Variants in EPHA3 observed in about 807,000 individuals in gnomAD.
EPHA3 encodes EPH receptor A3.
EPHA3 carries 42 observed loss-of-function variants against 107.1 expected under a neutral mutation model. The ratio of observed to expected loss-of-function variants is 0.39; its 90% confidence interval spans 0.31 to 0.51. The LOEUF is 0.51. Among genes scored for constraint, EPHA3 ranks in the 20% least tolerant of loss-of-function variants. The pLI, the probability that EPHA3 is intolerant of heterozygous loss-of-function variation, is 0.78. For synonymous variants in EPHA3, 461 were observed against 424.8 expected (o/e 1.09, Z -1.05); for missense variants, 1,183 against 1,211.2 (o/e 0.98, Z 0.35).
At chr3:89,130,560 G>T (rs114712788) in intron 2 of EPHA3, among the ~76,000 whole-genome samples, 1 of 150,826 alleles carries the variant, frequency 6.6e-6, no homozygotes, top group South Asian at 2.1e-4. Flanking sequence ...TTCCTCCAAA[G>T]ACGTATTCAT....
chr3:89,470,979 A>G (rs1431028936), intron 15 of EPHA3, among the ~76,000 whole-genome samples: 1 of 152,196 alleles, frequency 6.6e-6, no homozygotes, highest in African/African-American at 2.4e-5. Context: ...GTTTGATATA[A>G]TATGAAAACA....
At chr3:89,145,356 A>G (rs183826253) in intron 2 of EPHA3, among the ~76,000 whole-genome samples, 16 of 151,838 alleles carry the variant, frequency 1.1e-4, no homozygotes, top group African/African-American at 2.9e-4. Flanking sequence ...AAATATTTAA[A>G]ATAATATCCA....
chr3:89,183,357 G>A (rs1705487698), intron 2 of EPHA3, among the ~76,000 whole-genome samples: 1 of 151,884 alleles, frequency 6.6e-6, no homozygotes, highest in Admixed American at 6.6e-5. Flanking sequence ...CATAGTCCTG[G>A]ATGGTGCTTT....
At chr3:89,337,586 G>A (rs539063940) in intron 3 of EPHA3, among the ~76,000 whole-genome samples, 9 of 152,274 alleles carry the variant, frequency 5.9e-5, no homozygotes, top group South Asian at 2.1e-4. Flanking sequence ...CTATTCATTC[G>A]TGGTTAAAGC....
chr3:89,403,226 T>C (rs1371548641), intron 7 of EPHA3, among the ~76,000 whole-genome samples: 1 of 152,154 alleles, frequency 6.6e-6, no homozygotes, highest in South Asian at 2.1e-4. Context: ...AAAGGGAGGT[T>C]AAGGAAGTTT....
intron 7 of EPHA3, chr3:89,400,049 C>CT (rs35658959): frequency 9.7e-7 from 1 of 1,032,568 alleles, no homozygotes; most frequent in Non-Finnish European, 1.2e-6. Flanking sequence ...AGTAACTTTT[C>CT]TTTTTTTCAA....
At chr3:89,189,920 C>T (rs1705666514) in intron 2 of EPHA3, among the ~76,000 whole-genome samples, 1 of 152,100 alleles carries the variant, frequency 6.6e-6, no homozygotes, top group South Asian at 2.1e-4. Context: ...AGATTTAATA[C>T]TGGAAAACAA....
chr3:89,275,570 G>C (rs1351273529), intron 3 of EPHA3, among the ~76,000 whole-genome samples: 1 of 152,052 alleles, frequency 6.6e-6, no homozygotes, highest in Admixed American at 6.6e-5. Flanking sequence ...AAGTGAAAAT[G>C]CCTTTCAAAA....
intron 5 of EPHA3, among the ~76,000 whole-genome samples, chr3:89,360,980 T>C (rs1708080029): frequency 6.6e-6 from 1 of 151,044 alleles, no homozygotes; most frequent in Non-Finnish European, 1.5e-5. Context: ...AGGCAGGAAT[T>C]GCTAGTGAAC....
intron 3 of EPHA3, among the ~76,000 whole-genome samples, chr3:89,284,029 G>C (rs535616235): frequency 2.6e-4 from 39 of 151,974 alleles, no homozygotes; most frequent in African/African-American, 9.4e-4. Flanking sequence ...AAAAGACTAG[G>C]ATTTTATTAA....
chr3:89,283,473 A>C (rs1337563358), intron 3 of EPHA3, among the ~76,000 whole-genome samples: 1 of 152,108 alleles, frequency 6.6e-6, no homozygotes, highest in Non-Finnish European at 1.5e-5. Context: ...ACTTCGTAGA[A>C]AACTTCTGGC....
intron 3 of EPHA3, among the ~76,000 whole-genome samples, chr3:89,313,115 T>A (rs1054283531): frequency 2.0e-5 from 3 of 152,050 alleles, no homozygotes; most frequent in African/African-American, 7.2e-5. Context: ...ATTATTATTT[T>A]CCTTGAATCC....
intron 3 of EPHA3, among the ~76,000 whole-genome samples, chr3:89,243,915 T>C (rs546348795): frequency 1.3e-5 from 2 of 152,276 alleles, no homozygotes; most frequent in Admixed American, 6.5e-5. Context: ...CACCATCCTA[T>C]ACACTTTATT....
intron 13 of EPHA3, among the ~76,000 whole-genome samples, chr3:89,438,519 T>C (rs1204379555): frequency 1.3e-5 from 2 of 152,002 alleles, no homozygotes; most frequent in Non-Finnish European, 2.9e-5. Context: ...TCTAAGAACA[T>C]AAATAACAGA....
At chr3:89,211,033 C>T (rs1188773774) in intron 3 of EPHA3, among the ~76,000 whole-genome samples, 1 of 152,000 alleles carries the variant, frequency 6.6e-6, no homozygotes, top group Admixed American at 6.6e-5. Context: ...GAGATTAGTG[C>T]TTTTAGAAGA....
At chr3:89,206,793 A>G (rs1187827094) in intron 2 of EPHA3, among the ~76,000 whole-genome samples, 1 of 152,192 alleles carries the variant, frequency 6.6e-6, no homozygotes, top group Non-Finnish European at 1.5e-5. Flanking sequence ...ACATACATAT[A>G]GAGTGGATGC....
rs1187094132 is a variant in EPHA3, at chr3:89,210,295, G to A, written c.589G>A (p.Val197Ile). ...GACVALVSVR[V>I]YFKKCPFTVK... ...TTGTGTTGCCTTGGTGTCTGTGAGA[G>A]TATACTTCAAAAAGTGCCCATTTAC... The change falls in exon 3 of 17, where the codon GTA (valine) becomes ATA (isoleucine). Residue 197 changes from valine (V) to isoleucine (I), a missense_variant. Physicochemically the swap from Val to Ile is conservative, Grantham distance 29 (BLOSUM62 3). Coordinates refer to ENST00000336596, the MANE Select transcript of EPHA3 (RefSeq NM_005233.6). 2.5e-6 allele frequency: 4 copies of A among 1,613,682 alleles called. No individual in the cohort carries two copies. In the Admixed American group the frequency reaches 6.7e-5, roughly 27 times the overall value.
intron 3 of EPHA3, among the ~76,000 whole-genome samples, chr3:89,279,062 T>C (rs1461861705): frequency 6.6e-6 from 1 of 152,188 alleles, no homozygotes; most frequent in Admixed American, 6.5e-5. Context: ...TGTGGAAGTG[T>C]GGATCATTTA....
chr3:89,314,643 C>A (rs1706852911), intron 3 of EPHA3, among the ~76,000 whole-genome samples: 1 of 151,916 alleles, frequency 6.6e-6, no homozygotes, highest in Non-Finnish European at 1.5e-5. Context: ...ATGCATTCAG[C>A]TATCTGGCAC....
Sources: gnomAD v4.1 joint callset for allele counts (sites outside exome capture counted in the v4.1 genomes callset) on GRCh38, gnomAD v4.1.1 for gene constraint, MANE v1.5 for transcripts, NCBI Gene and HGNC (gene_info 2026-07-23, HGNC 2026-07-21) for gene names.